Variants in SPTLC3 observed in about 807,000 individuals in gnomAD.
The protein encoded by SPTLC3 is serine palmitoyltransferase 3.
A neutral mutation model predicts 59.3 loss-of-function variants in SPTLC3; 36 were observed. That is an observed-to-expected ratio of 0.61 (90% CI 0.47 to 0.80). SPTLC3 has a LOEUF of 0.80. Among genes scored for constraint, SPTLC3 ranks in the 30% least tolerant of loss-of-function variants. The probability of loss-of-function intolerance (pLI) is 0.00; values close to 1 mark genes in which losing one functional copy is unlikely to be tolerated. For synonymous variants in SPTLC3, 257 were observed against 240.8 expected (o/e 1.07, Z -0.62); for missense variants, 625 against 685.1 (o/e 0.91, Z 0.98).
At chr20:13,035,622 G>T (rs1007341925) in intron 1 of SPTLC3, among the ~76,000 whole-genome samples, 1 of 152,238 alleles carries the variant, frequency 6.6e-6, no homozygotes, top group Non-Finnish European at 1.5e-5. Context: ...ATTGCACCTT[G>T]TGCCTTCCAA....
chr20:13,132,465 C>T (rs1006306722), intron 9 of SPTLC3, among the ~76,000 whole-genome samples: 23 of 152,024 alleles, frequency 1.5e-4, no homozygotes, highest in African/African-American at 4.6e-4. Flanking sequence ...GCGTGAGGAC[C>T]GCACCCAGCC....
At chr20:13,101,795 A>C (rs1423919310) in intron 6 of SPTLC3, among the ~76,000 whole-genome samples, 1 of 152,144 alleles carries the variant, frequency 6.6e-6, no homozygotes, top group Non-Finnish European at 1.5e-5. Context: ...TGGGGGCCTG[A>C]GATCCTGCAT....
chr20:13,051,995 G>C (rs6041811), intron 2 of SPTLC3, among the ~76,000 whole-genome samples: 132,600 of 152,026 alleles, frequency 0.87, 57,882 homozygotes, highest in East Asian at 0.92. Flanking sequence ...AATAGACACT[G>C]TAAGGCCACA....
At chr20:13,038,198 G>A (rs1010724082) in intron 1 of SPTLC3, among the ~76,000 whole-genome samples, 7 of 151,880 alleles carry the variant, frequency 4.6e-5, no homozygotes, top group African/African-American at 1.7e-4. Context: ...GTAATATAAG[G>A]CTCATATAAT....
chr20:13,025,413 T>C (rs1986094213), intron 1 of SPTLC3, among the ~76,000 whole-genome samples: 1 of 152,178 alleles, frequency 6.6e-6, no homozygotes, highest in Admixed American at 6.5e-5. Context: ...TCACACTTCC[T>C]GAGCTTGAAT....
rs763224801 is a variant in SPTLC3, at chr20:13,117,699, T to A, written c.1126T>A (p.Ser376Thr). Reference protein sequence around the residue: ...MGTFTKSFGASGGYIAGRKDL... With the variant: ...MGTFTKSFGATGGYIAGRKDL... ...CACATTCACCAAAAGTTTTGGAGCT[T>A]CAGGAGGTTACATAGCTGGAAGGAA... is the stretch of plus-strand genomic sequence containing the variant. The change falls in exon 8 of 12, where the codon TCA (serine) becomes ACA (threonine). Residue 376 changes from serine to threonine, a missense_variant. By Grantham distance (58) the Ser-to-Thr change is moderately conservative. Transcript: ENST00000399002. The A allele has an allele frequency of 3.1e-6, 5 of 1,612,900 alleles. No individual in the cohort carries two copies. The Admixed American group carries it at 8.3e-5, about 27-fold the overall frequency.
chr20:13,102,941 T>A (rs1322509344), intron 6 of SPTLC3, among the ~76,000 whole-genome samples: 1 of 152,132 alleles, frequency 6.6e-6, no homozygotes, highest in Non-Finnish European at 1.5e-5. Context: ...ACAGGCCCTG[T>A]CCCTAGCACC....
intron 11 of SPTLC3, among the ~76,000 whole-genome samples, chr20:13,160,719 A>G (rs1600411704): frequency 1.3e-5 from 2 of 152,376 alleles, no homozygotes; most frequent in Non-Finnish European, 2.9e-5. Flanking sequence ...TTTTGCAAAC[A>G]CTATTGAGAG....
intron 6 of SPTLC3, among the ~76,000 whole-genome samples, chr20:13,095,542 G>A (rs535986313): frequency 6.6e-6 from 1 of 152,224 alleles, no homozygotes; most frequent in African/African-American, 2.4e-5. Context: ...GAGACTAAAC[G>A]TAAGCTTCAT....
At chr20:13,139,928 C>G (rs1191535108) in intron 9 of SPTLC3, among the ~76,000 whole-genome samples, 1 of 152,168 alleles carries the variant, frequency 6.6e-6, no homozygotes, top group African/African-American at 2.4e-5. Flanking sequence ...ACTAGTCTGG[C>G]TTTTACCACA....
chr20:13,067,187 T>G lies in SPTLC3; in HGVS notation c.304-5069T>G, dbSNP rs774544018. On this transcript the variant is annotated intron_variant, in intron 2 of 11. Coordinates refer to ENST00000399002, the MANE Select transcript of SPTLC3 (RefSeq NM_018327.4). ...GCCAGTAGATTGTCTTCTTGTTATG[T>G]GGACTCTGCATTTCTCTACATTGGG... Among the ~76,000 whole-genome samples, 11 of 151,600 alleles carry G rather than the reference T, an allele frequency of 7.3e-5. 3 individuals are homozygous for G. Among genetic ancestry groups the G allele is most frequent in the Non-Finnish European group, 1.5e-4 (10 of 67,906 alleles).
intron 6 of SPTLC3, among the ~76,000 whole-genome samples, chr20:13,101,579 A>C (rs1989602446): frequency 6.6e-6 from 1 of 152,202 alleles, no homozygotes; most frequent in Non-Finnish European, 1.5e-5. Context: ...CTATCCAGCC[A>C]TTCTCCAGCC....
chr20:13,120,598 A>C (rs1344858095), intron 8 of SPTLC3, among the ~76,000 whole-genome samples: 1 of 152,212 alleles, frequency 6.6e-6, no homozygotes, highest in Non-Finnish European at 1.5e-5. Context: ...GGTTCTGGAA[A>C]TCTTTATGGA....
At chr20:13,011,762 T>C (rs540022828) in intron 1 of SPTLC3, among the ~76,000 whole-genome samples, 52 of 151,966 alleles carry the variant, frequency 3.4e-4, no homozygotes, top group Non-Finnish European at 6.5e-4. Flanking sequence ...AAACCTCATA[T>C]GTCCTGAGAA....
At chr20:13,017,887 A>G (rs956356498) in intron 1 of SPTLC3, among the ~76,000 whole-genome samples, 2 of 152,212 alleles carry the variant, frequency 1.3e-5, no homozygotes, top group African/African-American at 4.8e-5. Flanking sequence ...AGAGTCAGTT[A>G]CAAGAAGACT....
intron 2 of SPTLC3, among the ~76,000 whole-genome samples, chr20:13,052,553 C>T (rs567980900): frequency 1.3e-5 from 2 of 152,204 alleles, no homozygotes; most frequent in East Asian, 3.9e-4. Flanking sequence ...CCATTCACTC[C>T]CCTGGAAAGG....
chr20:13,038,047 T>A (rs894597538), intron 1 of SPTLC3, among the ~76,000 whole-genome samples: 1 of 150,120 alleles, frequency 6.7e-6, no homozygotes, highest in Non-Finnish European at 1.5e-5. Flanking sequence ...AAATCATGAA[T>A]ATATATATAT....
intron 9 of SPTLC3, among the ~76,000 whole-genome samples, chr20:13,127,742 T>C (rs564608907): frequency 6.6e-6 from 1 of 152,320 alleles, no homozygotes; most frequent in Admixed American, 6.5e-5. Flanking sequence ...CAAGACTTTT[T>C]CTTTTTCACT....
At chr20:13,088,097 G>C (rs1391595214) in intron 4 of SPTLC3, among the ~76,000 whole-genome samples, 5 of 152,138 alleles carry the variant, frequency 3.3e-5, no homozygotes, top group African/African-American at 1.2e-4. Context: ...CCTTTTCACT[G>C]TCTGTTCTTG....
Sources: allele counts gnomAD v4.1 joint callset (sites outside exome capture counted in the v4.1 genomes callset), GRCh38; gene constraint gnomAD v4.1.1; transcripts MANE v1.5; gene names NCBI Gene and HGNC (gene_info 2026-07-23, HGNC 2026-07-21).